Variants in ZNF691 observed in about 807,000 individuals in gnomAD.
ZNF691 encodes the protein zinc finger protein 691.
In ZNF691, 11 loss-of-function variants were observed where a neutral mutation model predicts 24.1. The ratio of observed to expected loss-of-function variants is 0.46; its 90% CI spans 0.29 to 0.75. The LOEUF is 0.75. ZNF691 is among the 30% of genes least tolerant of loss of function. The pLI is 0.11. For synonymous variants in ZNF691, 149 were observed against 153.9 expected (o/e 0.97, Z 0.23); for missense variants, 356 against 409.0 (o/e 0.87, Z 1.12).
rs1208211115 is a variant in ZNF691, at chr1:42,849,395, A to G, written c.-113A>G. On this transcript the variant is annotated 5_prime_UTR_variant, in exon 2 of 4. In the 5' UTR this introduces an upstream ATG that the reference lacks. Transcript: ENST00000651192. ...AGTATTACAGGCATTTTTTTCTAAT[A>G]CAAAGTCTTGTAGTGTGGGTAGGTA... 3.3e-6 allele frequency: 2 copies of G among 602,858 alleles called. No homozygotes were observed. The highest frequency in any genetic ancestry group is 3.6e-5 in the African/African-American group (2 of 55,028). 37.3% of individuals were successfully genotyped at this position (602,858 alleles called of 1,614,324 possible). A position where few individuals can be genotyped will look rare whatever the true frequency, so the allele number is the denominator to read the frequency against.
chr1:42,850,584 G>T, intron 3 of ZNF691: 1 of 1,508,860 alleles, frequency 6.6e-7, no homozygotes, highest in Non-Finnish European at 8.8e-7. Flanking sequence ...CAGTTAGGCA[G>T]AAAAATTGAA....
At chr1:42,848,638 T>A (rs560749849) in intron 1 of ZNF691, among the ~76,000 whole-genome samples, 27 of 152,136 alleles carry the variant, frequency 1.8e-4, no homozygotes, top group African/African-American at 6.0e-4. Flanking sequence ...TGGCTGCCAC[T>A]ACTCTAGGAG....
Position 42,851,764 on chromosome 1 carries a change from G to A in ZNF691, c.899G>A (p.Arg300His), listed in dbSNP as rs774147175. Residue 300 changes from arginine (R) to histidine (H), a missense_variant, in exon 4 of 4, where the codon CGC becomes CAC. Arg to His is a conservative substitution (Grantham distance 29). Transcript: ENST00000651192. The surrounding 1 kb of genome is among the most constrained non-coding windows in gnomAD (Gnocchi z 4.7). ...KHFSRSSNLIRHQKTHLGEQA... is the reference protein window; with the variant it reads ...KHFSRSSNLIHHQKTHLGEQA... ...TTCTCCCGGAGCTCGAATCTCATCCGCCACCAGAAAACTCACTTGGGCGAA... is the reference window on the plus strand; with the variant it reads ...TTCTCCCGGAGCTCGAATCTCATCCACCACCAGAAAACTCACTTGGGCGAA... The A allele has an allele frequency of 2.5e-6, 4 of 1,614,062 alleles. No individual in the cohort carries two copies. Among genetic ancestry groups the A allele is most frequent in the Admixed American group, 1.7e-5 (1 of 60,010 alleles).
At chr1:42,847,388 C>T (rs1250990371) in intron 1 of ZNF691, among the ~76,000 whole-genome samples, 1 of 152,162 alleles carries the variant, frequency 6.6e-6, no homozygotes, top group African/African-American at 2.4e-5. Flanking sequence ...CCTGGCCCCT[C>T]CTCCACTTCT....
In ZNF691 at chr1:42,852,043, A is replaced by G; in HGVS notation, c.*230A>G. The G allele has an allele frequency of 1.4e-6, 1 of 712,524 alleles. No individual in the cohort carries two copies. Among genetic ancestry groups the G allele is most frequent in the Non-Finnish European group, 2.5e-6 (1 of 394,396 alleles). The allele number at this position is 712,524 out of a possible 1,614,324, so 44.1% of individuals were successfully genotyped here. A position where few individuals can be genotyped will look rare whatever the true frequency, so the allele number is the denominator to read the frequency against. On this transcript the variant is annotated 3_prime_UTR_variant, in exon 4 of 4. Coordinates refer to ENST00000651192, the MANE Select transcript of ZNF691 (RefSeq NM_001242739.2). Reference sequence around the variant, plus strand: ...ATTTCTCGTGTTGGAAAGTCAGAAGACCCAGTCTTGGCTTTACTTTCTTGG... The same window carrying G: ...ATTTCTCGTGTTGGAAAGTCAGAAGGCCCAGTCTTGGCTTTACTTTCTTGG...
intron 3 of ZNF691, chr1:42,850,722 C>G (rs1164218886): frequency 3.2e-6 from 5 of 1,550,464 alleles, no homozygotes; most frequent in Non-Finnish European, 4.4e-6. Flanking sequence ...GTGGACAAAG[C>G]CGGTGCCTTC....
At position 42,849,362 on chromosome 1, in the gene ZNF691, C is replaced by G. The variant is rs1466861411; in HGVS notation, c.-146C>G. On this transcript the variant is annotated 5_prime_UTR_variant, in exon 2 of 4. Coordinates refer to ENST00000651192, the MANE Select transcript of ZNF691 (RefSeq NM_001242739.2). ...GCTGAATGACAGCATGTGTCACACA[C>G]TCTGCTGAGTATTACAGGCATTTTT... is the stretch of plus-strand genomic sequence containing the variant. 1.8e-6 allele frequency: 1 copy of G among 545,346 alleles called. No individual in the cohort carries two copies. The highest frequency in any genetic ancestry group is 1.5e-5 in the South Asian group (1 of 65,348). 33.8% of individuals were successfully genotyped at this position (545,346 alleles called of 1,614,324 possible).
chr1:42,851,130 T>C lies in ZNF691; in HGVS notation c.265T>C (p.Trp89Arg). 1.9e-6 allele frequency: 3 copies of C among 1,613,944 alleles called. No individual in the cohort carries two copies. The highest frequency in any genetic ancestry group is 2.2e-5 in the South Asian group (2 of 91,088). ...ELQETHPKKP[W>R]QKVTVRAREL... is the part of the protein sequence containing the mutation. ...GCAAGAAACTCATCCAAAAAAGCCATGGCAGAAAGTCACTGTCCGGGCTCG... is the reference window on the plus strand; with the variant it reads ...GCAAGAAACTCATCCAAAAAAGCCACGGCAGAAAGTCACTGTCCGGGCTCG... Residue 89 changes from tryptophan (W) to arginine (R), a missense_variant, in exon 4 of 4, where the codon TGG (tryptophan) becomes CGG (arginine). By Grantham distance (101) the Trp-to-Arg change is moderately radical. Transcript: ENST00000651192. This position sits in a 1 kb window ranked among gnomAD's most constrained non-coding sequence, Gnocchi z 4.7.
In ZNF691 at chr1:42,851,738, CTT is replaced by C; in HGVS notation, c.874_875del (p.Phe292LeufsTer30). The C allele has an allele frequency of 6.8e-6, 11 of 1,614,266 alleles. No homozygotes were observed. The highest frequency in any genetic ancestry group is 9.3e-6 in the Non-Finnish European group (11 of 1,180,040). ...PYRCTVCGKH[F>X]SRSSNLIRHQ... Reference sequence around the variant, plus strand: ...ACCGGTGCACTGTGTGTGGGAAACACTTCTCCCGGAGCTCGAATCTCATCCGC... The same window carrying C: ...ACCGGTGCACTGTGTGTGGGAAACACCTCCCGGAGCTCGAATCTCATCCGC... On this transcript the variant is annotated frameshift_variant, in exon 4 of 4. Coordinates refer to ENST00000651192, the MANE Select transcript of ZNF691 (RefSeq NM_001242739.2). LOFTEE classifies it high-confidence loss of function. The surrounding 1 kb of genome is among the most constrained non-coding windows in gnomAD (Gnocchi z 4.7).
At chr1:42,850,632 A>G in intron 3 of ZNF691, 2 of 1,543,562 alleles carry the variant, frequency 1.3e-6, no homozygotes, top group Non-Finnish European at 1.7e-6. Flanking sequence ...TTGCCCATGA[A>G]TTATAGTCTG....
rs1029799054 is a variant in ZNF691 at position 42,849,419 on chromosome 1, T to A, written c.-95+6T>A. 5 of 639,954 alleles carry A rather than the reference T, an allele frequency of 7.8e-6. No individual in the cohort carries two copies. The highest frequency in any genetic ancestry group is 1.2e-5 in the Non-Finnish European group (4 of 345,038). 39.6% of individuals were successfully genotyped at this position (639,954 alleles called of 1,614,324 possible). A position where few individuals can be genotyped will look rare whatever the true frequency, so the allele number is the denominator to read the frequency against. Reference sequence around the variant, plus strand: ...TACAAAGTCTTGTAGTGTGGGTAGGTATCACAATTTTAGTGAAGAGGGAGT... The same window carrying A: ...TACAAAGTCTTGTAGTGTGGGTAGGAATCACAATTTTAGTGAAGAGGGAGT... On this transcript the variant is annotated splice_donor_region_variant and intron_variant, in intron 2 of 3. Coordinates refer to ENST00000651192, the MANE Select transcript of ZNF691 (RefSeq NM_001242739.2).
rs890963531 is a variant in ZNF691, at chr1:42,851,013, G to C, written c.148G>C (p.Gly50Arg). The C allele has an allele frequency of 3.9e-6, 6 of 1,550,788 alleles. No homozygotes were observed. The highest frequency in any genetic ancestry group is 1.4e-5 in the African/African-American group (1 of 72,614). Residue 50 changes from glycine to arginine, a missense_variant, in exon 4 of 4, where the codon GGG becomes CGG. Transcript: ENST00000651192. The surrounding 1 kb of genome is among the most constrained non-coding windows in gnomAD (Gnocchi z 4.7). ...PEPHLPEEGEGGKPWRVDDSE... is the reference protein window; with the variant it reads ...PEPHLPEEGERGKPWRVDDSE... ...ACCACACCTGCCTGAGGAAGGGGAA[G>C]GGGGTAAGCCTTGGAGAGTGGATGA... is the stretch of plus-strand genomic sequence containing the variant.
chr1:42,851,253 C>A lies in ZNF691; in HGVS notation c.388C>A (p.Leu130Met). 6.2e-7 allele frequency: 1 copy of A among 1,613,710 alleles called. No individual in the cohort carries two copies. Among genetic ancestry groups the A allele is most frequent in the Non-Finnish European group, 8.5e-7 (1 of 1,179,942 alleles). ...CGKTFNNTSN[L>M]RTHQRIHTGE... ...CAAAACCTTCAATAATACCTCCAACCTGAGAACACACCAGCGGATCCACAC... is the reference window on the plus strand; with the variant it reads ...CAAAACCTTCAATAATACCTCCAACATGAGAACACACCAGCGGATCCACAC... Residue 130 changes from leucine (L) to methionine (M), a missense_variant, in exon 4 of 4, where the codon CTG (leucine) becomes ATG (methionine). Coordinates refer to ENST00000651192, the MANE Select transcript of ZNF691 (RefSeq NM_001242739.2). The surrounding 1 kb of genome is among the most constrained non-coding windows in gnomAD (Gnocchi z 4.7).
chr1:42,850,649 C>T, intron 3 of ZNF691: 1 of 1,549,338 alleles, frequency 6.5e-7, no homozygotes, highest in Non-Finnish European at 8.7e-7. Flanking sequence ...TCTGGATTGT[C>T]ATTGCTTAGT....
chr1:42,852,116 G>A lies in ZNF691; in HGVS notation c.*303G>A, dbSNP rs941609387. 4 of 491,784 alleles carry A rather than the reference G, an allele frequency of 8.1e-6. No individual in the cohort carries two copies. Among genetic ancestry groups the A allele is most frequent in the Non-Finnish European group, 1.5e-5 (4 of 260,466 alleles). The allele number at this position is 491,784 out of a possible 1,614,324, so 30.5% of individuals were successfully genotyped here. The stretch of plus-strand genomic sequence containing the variant: ...CTCAGAACATGCTCATGTTATTAAG[G>A]CAGCAGTCCCCCTGGCCTTTGAGGA... On this transcript the variant is annotated 3_prime_UTR_variant, in exon 4 of 4. Coordinates refer to ENST00000651192, the MANE Select transcript of ZNF691 (RefSeq NM_001242739.2).
At chr1:42,848,150 G>A (rs751626272) in intron 1 of ZNF691, among the ~76,000 whole-genome samples, 7 of 152,134 alleles carry the variant, frequency 4.6e-5, no homozygotes, top group Non-Finnish European at 1.0e-4. Context: ...ATCCAGCCCC[G>A]GGTAGAGCTG....
Position 42,851,322 on chromosome 1 carries a change from T to C in ZNF691, c.457T>C (p.Ser153Pro). Residue 153 changes from serine to proline, a missense_variant, in exon 4 of 4, where the codon TCG becomes CCG. Transcript: ENST00000651192. This position sits in a 1 kb window ranked among gnomAD's most constrained non-coding sequence, Gnocchi z 4.7. ...YKCSECGKSFSRSSNRIRHER... is the reference protein window; with the variant it reads ...YKCSECGKSFPRSSNRIRHER... ...GTGTTCTGAATGTGGCAAGAGCTTC[T>C]CGAGAAGCTCCAACCGCATCCGGCA... 6.2e-7 allele frequency: 1 copy of C among 1,613,776 alleles called. No individual in the cohort carries two copies. The highest frequency in any genetic ancestry group is 1.1e-5 in the South Asian group (1 of 91,066).
At chr1:42,850,223 G>C (rs1655344251) in intron 3 of ZNF691, among the ~76,000 whole-genome samples, 1 of 150,666 alleles carries the variant, frequency 6.6e-6, no homozygotes, top group Admixed American at 6.6e-5. Context: ...CTGCTTGCTT[G>C]TGTGCATGCA....
chr1:42,851,848 G>A lies in ZNF691; in HGVS notation c.*35G>A, dbSNP rs765897091. 4.3e-6 allele frequency: 7 copies of A among 1,613,348 alleles called. No homozygotes were observed. Among genetic ancestry groups the A allele is most frequent in the Admixed American group, 3.3e-5 (2 of 59,928 alleles). ...CCATTTAGAGTGAGGGAGAGAGAGTGAGAGACCCTAACCTATTGGAGGAAG... is the reference window on the plus strand; with the variant it reads ...CCATTTAGAGTGAGGGAGAGAGAGTAAGAGACCCTAACCTATTGGAGGAAG... On this transcript the variant is annotated 3_prime_UTR_variant, in exon 4 of 4. Coordinates refer to ENST00000651192, the MANE Select transcript of ZNF691 (RefSeq NM_001242739.2). The surrounding 1 kb of genome is among the most constrained non-coding windows in gnomAD (Gnocchi z 4.7).
Sources: allele counts gnomAD v4.1 joint callset (sites outside exome capture counted in the v4.1 genomes callset), GRCh38; gene constraint gnomAD v4.1.1; non-coding constraint Gnocchi (gnomAD v3.1); transcripts MANE v1.5; gene names NCBI Gene and HGNC (gene_info 2026-07-23, HGNC 2026-07-21).